The following SGCD variants were observed in gnomAD, a reference collection of about 807,000 sequenced individuals.
SGCD encodes delta-sarcoglycan.
In SGCD, 18 loss-of-function variants were observed where a neutral mutation model predicts 36.6. That is an observed-to-expected ratio of 0.49 (90% CI 0.34 to 0.73). SGCD has a LOEUF of 0.73. SGCD is among the 30% of genes least tolerant of loss of function. The pLI, the probability that SGCD is intolerant of heterozygous loss-of-function variation, is 0.01. For missense variants in SGCD, 387 were observed against 346.7 expected, an observed-to-expected ratio of 1.12 and a Z score of -0.92; for synonymous variants, 133 against 130.6, an observed-to-expected ratio of 1.02 and a Z score of -0.12.
intron 7 of SGCD, among the ~76,000 whole-genome samples, chr5:156,649,616 A>G (rs1204810737): frequency 1.3e-5 from 2 of 151,926 alleles, no homozygotes; most frequent in African/African-American, 4.8e-5. Flanking sequence ...CAAGGTCAAA[A>G]AACCAAACAC....
the SGCD span, among the ~76,000 whole-genome samples, chr5:155,778,911 C>T: frequency 5.9e-5 from 9 of 152,134 alleles, no homozygotes; most frequent in African/African-American, 2.2e-4. Context: ...TCTTCAGATA[C>T]AAGCTTTTCC....
intron 3 of SGCD, among the ~76,000 whole-genome samples, chr5:156,411,909 G>GTTC (rs371503691): frequency 1.3e-4 from 1 of 7,908 alleles, no homozygotes; most frequent in East Asian, 0.011. Flanking sequence ...GTGAGTTAGG[G>GTTC]TTTTTGTTAT....
intron 3 of SGCD, among the ~76,000 whole-genome samples, chr5:156,176,728 A>G (rs888136157): frequency 4.6e-5 from 7 of 152,224 alleles, no homozygotes; most frequent in Non-Finnish European, 1.0e-4. Context: ...AATATGTTTT[A>G]TAATTACAGC....
intron 1 of SGCD, among the ~76,000 whole-genome samples, chr5:155,892,162 T>G (rs913578821): frequency 6.6e-6 from 1 of 152,036 alleles, no homozygotes; most frequent in Non-Finnish European, 1.5e-5. Flanking sequence ...AAGCAGGACA[T>G]GAAAGAATGA....
chr5:156,044,507 T>C (rs907073574), intron 1 of SGCD, among the ~76,000 whole-genome samples: 3 of 152,168 alleles, frequency 2.0e-5, no homozygotes, highest in Non-Finnish European at 2.9e-5. Flanking sequence ...AATAGGCAAG[T>C]GATACTTGCT....
chr5:156,579,157 A>T (rs1454261954), intron 4 of SGCD, among the ~76,000 whole-genome samples: 1 of 152,054 alleles, frequency 6.6e-6, no homozygotes, highest in African/African-American at 2.4e-5. Context: ...TTCTGCCTTC[A>T]TTTCGTGATG....
chr5:155,944,158 C>T (rs368253847), intron 1 of SGCD, among the ~76,000 whole-genome samples: 3 of 152,230 alleles, frequency 2.0e-5, no homozygotes, highest in South Asian at 4.1e-4. Flanking sequence ...AGCCTGATTG[C>T]CTTCCTCTAA....
intron 7 of SGCD, among the ~76,000 whole-genome samples, chr5:156,754,955 C>T (rs1056565099): frequency 2.0e-5 from 3 of 152,030 alleles, no homozygotes; most frequent in Non-Finnish European, 4.4e-5. Flanking sequence ...AAACTTATTT[C>T]GGGAAGATAT....
chr5:156,166,610 G>A (rs555379431), intron 3 of SGCD, among the ~76,000 whole-genome samples: 10 of 152,286 alleles, frequency 6.6e-5, no homozygotes, highest in Middle Eastern at 3.4e-3. Flanking sequence ...GTGAGCCACC[G>A]TGCCCAGCCC....
chr5:156,123,037 G>A (rs562774629), intron 2 of SGCD, among the ~76,000 whole-genome samples: 57 of 152,092 alleles, frequency 3.7e-4, no homozygotes, highest in African/African-American at 1.3e-3. Flanking sequence ...TGACTGAGAA[G>A]GCATAAACTT....
the SGCD span, among the ~76,000 whole-genome samples, chr5:155,787,480 A>G: frequency 1.3e-5 from 2 of 152,124 alleles, no homozygotes; most frequent in East Asian, 3.9e-4. Flanking sequence ...CCCATGCAGC[A>G]TACAATTAAT....
At chr5:156,420,540 T>C (rs1245467188) in intron 3 of SGCD, among the ~76,000 whole-genome samples, 3 of 152,118 alleles carry the variant, frequency 2.0e-5, no homozygotes, top group Admixed American at 6.6e-5. Flanking sequence ...GATATTTCTG[T>C]ATAATTTGCA....
At chr5:156,047,297 T>C (rs1473713795) in intron 1 of SGCD, among the ~76,000 whole-genome samples, 1 of 152,146 alleles carries the variant, frequency 6.6e-6, no homozygotes, top group East Asian at 1.9e-4. Flanking sequence ...CGCAAGATCA[T>C]CGATGAAGGT....
chr5:155,945,995 C>G (rs981078265), intron 1 of SGCD, among the ~76,000 whole-genome samples: 3 of 151,992 alleles, frequency 2.0e-5, no homozygotes, highest in African/African-American at 7.3e-5. Context: ...GAGAGATATA[C>G]GAGGTAAAAT....
the SGCD span, among the ~76,000 whole-genome samples, chr5:155,739,123 A>G: frequency 6.6e-6 from 1 of 152,214 alleles, no homozygotes; most frequent in African/African-American, 2.4e-5. Flanking sequence ...TGTTGAGATT[A>G]TTTTAACTTT....
chr5:156,546,464 A>G (rs1758574141), intron 4 of SGCD, among the ~76,000 whole-genome samples: 1 of 152,210 alleles, frequency 6.6e-6, no homozygotes, highest in Non-Finnish European at 1.5e-5. Flanking sequence ...AACTACTACC[A>G]TGGTAGATTC....
intron 3 of SGCD, among the ~76,000 whole-genome samples, chr5:156,219,268 A>G (rs1362125547): frequency 6.6e-6 from 1 of 152,220 alleles, no homozygotes; most frequent in Admixed American, 6.5e-5. Flanking sequence ...TCATATAAGG[A>G]TAGAATTGGG....
intron 1 of SGCD, among the ~76,000 whole-genome samples, chr5:155,904,906 G>A (rs1384487095): frequency 6.6e-6 from 1 of 152,086 alleles, no homozygotes; most frequent in East Asian, 1.9e-4. Context: ...CATGTAATAG[G>A]TGGACAACCT....
chr5:156,565,496 A>G (rs1436077563), intron 4 of SGCD, among the ~76,000 whole-genome samples: 2 of 152,174 alleles, frequency 1.3e-5, no homozygotes, highest in Admixed American at 6.5e-5. Context: ...ACTACAATTA[A>G]TCTTTTGGGG....
Sources: allele counts gnomAD v4.1 joint callset (sites outside exome capture counted in the v4.1 genomes callset), GRCh38; gene constraint gnomAD v4.1.1; transcripts MANE v1.5; gene names NCBI Gene and HGNC (gene_info 2026-07-23, HGNC 2026-07-21).